Variants in DNAH5 observed in about 807,000 individuals in gnomAD.
DNAH5 encodes the protein axonemal beta dynein heavy chain 5.
A neutral mutation model predicts 518.2 loss-of-function variants in DNAH5; 372 were observed. The ratio of observed to expected loss-of-function variants is 0.72; its 90% CI spans 0.66 to 0.78. The LOEUF (loss-of-function observed/expected upper bound fraction) is 0.78, where lower values mean the gene tolerates loss of function less well. Ranked by LOEUF, DNAH5 falls within the 30% of genes least tolerant of loss-of-function variation. The pLI is 0.00. For synonymous variants in DNAH5, 2,039 were observed against 2,025.9 expected (o/e 1.01, Z -0.17); for missense variants, 5,523 against 5,687.0 (o/e 0.97, Z 0.93).
In DNAH5 at chr5:13,911,296, G is replaced by T. The variant is rs3765045; in HGVS notation, c.1644+90C>A. ...TCACCTCCATGATGAAGATACCTCT[G>T]CCTTCTGATTGGGTAATGATTAACG... On this transcript the variant is annotated intron_variant, in intron 12 of 78. Transcript: ENST00000265104. 0.3 allele frequency: 295,631 copies of T among 971,854 alleles called. 46,199 individuals carry two copies. The highest frequency in any genetic ancestry group is 0.44 in the South Asian group (33,517 of 76,776). The allele number at this position is 971,854 out of a possible 1,614,324, so 60.2% of individuals were successfully genotyped here. A position where few individuals can be genotyped will look rare whatever the true frequency, so the allele number is the denominator to read the frequency against.
chr5:13,721,757 G>A (rs980996724), intron 70 of DNAH5, among the ~76,000 whole-genome samples: 15 of 152,136 alleles, frequency 9.9e-5, no homozygotes, highest in African/African-American at 2.9e-4. Context: ...CATCATTGTC[G>A]TCATTCCTTC....
chr5:13,918,732 T>C (rs1454644157), intron 7 of DNAH5, among the ~76,000 whole-genome samples: 1 of 152,204 alleles, frequency 6.6e-6, no homozygotes, highest in African/African-American at 2.4e-5. Flanking sequence ...CATCCCAAAG[T>C]GCTGGGATTA....
intron 78 of DNAH5, among the ~76,000 whole-genome samples, chr5:13,700,318 T>A (rs887463273): frequency 6.6e-6 from 1 of 152,216 alleles, no homozygotes; most frequent in African/African-American, 2.4e-5. Flanking sequence ...ATCCCGCTGT[T>A]ATCTCACTCT....
At chr5:13,713,685 G>T (rs1053652979) in intron 75 of DNAH5, among the ~76,000 whole-genome samples, 5 of 148,112 alleles carry the variant, frequency 3.4e-5, no homozygotes, top group African/African-American at 1.0e-4. Flanking sequence ...TTGGGGACTT[G>T]GGGGGAAGAG....
chr5:13,820,254 T>C, intron 41 of DNAH5, 92 bp downstream of exon 41: 1 of 1,279,196 alleles, frequency 7.8e-7, no homozygotes, highest in Non-Finnish European at 1.1e-6. Flanking sequence ...AAATATATTA[T>C]TGTATCTGCC....
rs1466101116 is a variant in DNAH5, at chr5:13,716,423, A to G, written c.12909+64T>C. The G allele has an allele frequency of 2.3e-5, 27 of 1,162,098 alleles. No homozygotes were observed. The East Asian group carries it at 5.4e-4, about 23-fold the overall frequency. The allele number at this position is 1,162,098 out of a possible 1,614,324, so 72.0% of individuals were successfully genotyped here. ...TAAAAGCAATATAGACAGTGTAATT[A>G]ATACCCAAAACTCAAGTGGCTACAG... On this transcript the variant is annotated intron_variant, in intron 74 of 78. Transcript: ENST00000265104.
chr5:13,747,572 C>T (rs1039226337), intron 65 of DNAH5, among the ~76,000 whole-genome samples: 2 of 152,108 alleles, frequency 1.3e-5, no homozygotes, highest in East Asian at 1.9e-4. Context: ...TTTTAATGAT[C>T]GCCATTCTAA....
intron 27 of DNAH5, 62 bp from the exon 28 acceptor site, chr5:13,864,699 G>A (rs1464478371): frequency 1.9e-6 from 3 of 1,575,090 alleles, no homozygotes; most frequent in Middle Eastern, 1.7e-4. Context: ...ACTGGACCAA[G>A]ACGGTCTGCT....
chr5:13,727,133 C>A (rs577468931), intron 70 of DNAH5, among the ~76,000 whole-genome samples: 2 of 152,186 alleles, frequency 1.3e-5, no homozygotes, highest in African/African-American at 4.8e-5. Context: ...GTTCTTCCTG[C>A]TTTCAGAAAC....
chr5:13,818,462 C>A (rs983125825), intron 41 of DNAH5, among the ~76,000 whole-genome samples: 1 of 152,176 alleles, frequency 6.6e-6, no homozygotes, highest in South Asian at 2.1e-4. Context: ...CCAGGCATGG[C>A]GGAAGTGCCA....
At chr5:13,890,194 C>G (rs563136680) in intron 17 of DNAH5, among the ~76,000 whole-genome samples, 142 of 152,226 alleles carry the variant, frequency 9.3e-4, no homozygotes, top group Non-Finnish European at 1.6e-3. Context: ...GTTGCCTGAG[C>G]TCAGGAGTTA....
intron 78 of DNAH5, among the ~76,000 whole-genome samples, chr5:13,699,222 C>T (rs954909645): frequency 3.9e-5 from 6 of 152,216 alleles, no homozygotes; most frequent in Admixed American, 6.5e-5. Flanking sequence ...AACTCCTAGA[C>T]ACCTTTATGT....
chr5:13,943,983 G>C (rs1779697831), intron 1 of DNAH5, among the ~76,000 whole-genome samples: 1 of 152,204 alleles, frequency 6.6e-6, no homozygotes, highest in African/African-American at 2.4e-5. Flanking sequence ...ATATAGAACA[G>C]GGGAGTGATT....
chr5:13,950,321 G>C (rs1408268996), intron 1 of DNAH5, among the ~76,000 whole-genome samples: 2 of 151,480 alleles, frequency 1.3e-5, no homozygotes, highest in Admixed American at 6.6e-5. Flanking sequence ...TTTTGCTCTT[G>C]TCTGGAGTGC....
intron 1 of DNAH5, among the ~76,000 whole-genome samples, chr5:13,960,153 A>G (rs964071564): frequency 6.6e-6 from 1 of 152,036 alleles, no homozygotes; most frequent in African/African-American, 2.4e-5. Flanking sequence ...TTGATTTAGC[A>G]TGCTGCAAAA....
chr5:13,733,269 C>T (rs148079908), intron 68 of DNAH5, among the ~76,000 whole-genome samples: 3 of 152,296 alleles, frequency 2.0e-5, no homozygotes, highest in Non-Finnish European at 4.4e-5. Flanking sequence ...CTCTCAACTT[C>T]CTAACTCTAA....
chr5:13,919,188 C>T lies in DNAH5; in HGVS notation c.963G>A (p.Ser321=), dbSNP rs758493084. The T allele has an allele frequency of 1.2e-6, 2 of 1,613,942 alleles. No homozygotes were observed. Among genetic ancestry groups the T allele is most frequent in the South Asian group, 1.1e-5 (1 of 91,078 alleles). Residue 321 remains serine, a synonymous_variant, in exon 7 of 79, where the codon TCG becomes TCA. Transcript: ENST00000265104. ...AVLAVLAAAK[S]KLLKTWREMD... is the part of the protein sequence containing the mutation. ...AATGGCTGACGACCTTCAGCAGTTT[C>T]GACTTGGCCGCCGCAAGCACTGCCA...
At chr5:13,859,334 A>T in intron 30 of DNAH5, 118 bp downstream of exon 30, 4 of 1,121,508 alleles carry the variant, frequency 3.6e-6, no homozygotes. Context: ...GTGACAACAA[A>T]AAGATTGAAG....
intron 50 of DNAH5, 38 bp from the exon 51 acceptor site, chr5:13,788,952 G>T: frequency 6.4e-7 from 1 of 1,573,364 alleles, no homozygotes; most frequent in Non-Finnish European, 8.7e-7. Flanking sequence ...AGTAATTCCT[G>T]TTATGCCGTA....
Sources: allele counts gnomAD v4.1 joint callset (sites outside exome capture counted in the v4.1 genomes callset), GRCh38; gene constraint gnomAD v4.1.1; transcripts MANE v1.5; gene names NCBI Gene and HGNC (gene_info 2026-07-23, HGNC 2026-07-21).